RYR3: variants seen among roughly 807,000 people sequenced by gnomAD.
RYR3 encodes the protein brain ryanodine receptor-calcium release channel.
A neutral mutation model predicts 584.3 loss-of-function variants in RYR3; 207 were observed. The observed-to-expected ratio is 0.35, with a 90% CI of 0.32 to 0.40. The LOEUF (loss-of-function observed/expected upper bound fraction) is 0.40, where lower values mean the gene tolerates loss of function less well. Among genes scored for constraint, RYR3 ranks in the 10% least tolerant of loss-of-function variants. The pLI, the probability that RYR3 is intolerant of heterozygous loss-of-function variation, is 1.00. For missense variants in RYR3, 5,616 were observed against 6,089.2 expected, an observed-to-expected ratio of 0.92 and a Z score of 2.59; for synonymous variants, 2,416 against 2,248.5, an observed-to-expected ratio of 1.07 and a Z score of -2.11.
chr15:33,802,037 CT>C (rs1250377963), intron 69 of RYR3, 76 bp downstream of exon 69: 1 of 917,308 alleles, frequency 1.1e-6, no homozygotes, highest in Admixed American at 1.7e-5. Context: ...TTCATACTTT[CT>C]GGGGATTAAC....
chr15:33,469,925 C>G (rs544385059), intron 1 of RYR3, among the ~76,000 whole-genome samples: 1 of 152,106 alleles, frequency 6.6e-6, no homozygotes, highest in Non-Finnish European at 1.5e-5. Context: ...GAGATGAATA[C>G]GGGAATGGAG....
At chr15:33,800,715 A>G (rs1301789484) in intron 67 of RYR3, 55 bp from the exon 68 acceptor site, 1 of 1,258,682 alleles carries the variant, frequency 7.9e-7, no homozygotes, top group African/African-American at 1.5e-5. Flanking sequence ...TTAGAGTGTG[A>G]ATATTTTAAT....
At chr15:33,572,871 G>A (rs992584239) in intron 12 of RYR3, among the ~76,000 whole-genome samples, 6 of 152,122 alleles carry the variant, frequency 3.9e-5, no homozygotes, top group African/African-American at 1.4e-4. Flanking sequence ...CTACTGAGGA[G>A]GCTAAGTCAT....
chr15:33,690,832 T>A (rs2065367007), intron 38 of RYR3, among the ~76,000 whole-genome samples: 1 of 152,160 alleles, frequency 6.6e-6, no homozygotes, highest in Non-Finnish European at 1.5e-5. Flanking sequence ...AAATTAAAAT[T>A]GACAAATATT....
chr15:33,525,281 C>T (rs757972009), intron 3 of RYR3, among the ~76,000 whole-genome samples: 1 of 152,140 alleles, frequency 6.6e-6, no homozygotes, highest in Non-Finnish European at 1.5e-5. Flanking sequence ...TATGGACTGT[C>T]TGTATTGTGC....
At chr15:33,561,732 A>G (rs1342901361) in intron 10 of RYR3, among the ~76,000 whole-genome samples, 2 of 151,782 alleles carry the variant, frequency 1.3e-5, no homozygotes, top group African/African-American at 4.8e-5. Flanking sequence ...AACAACAACA[A>G]CAACAAAAAT....
intron 43 of RYR3, among the ~76,000 whole-genome samples, chr15:33,718,084 G>A (rs527277345): frequency 1.5e-4 from 23 of 152,160 alleles, no homozygotes; most frequent in Non-Finnish European, 2.8e-4. Context: ...CCATTACCCT[G>A]CCCCTGTGAT....
chr15:33,661,279 A>G (rs928226247), intron 34 of RYR3, among the ~76,000 whole-genome samples: 6 of 152,212 alleles, frequency 3.9e-5, no homozygotes, highest in African/African-American at 7.2e-5. Context: ...AGGGAGCAAC[A>G]TACAAACAGA....
In RYR3 at chr15:33,829,500, G is replaced by A. The variant is rs140457906; in HGVS notation, c.11335-1463G>A. Among the ~76,000 whole-genome samples, 685 of 152,178 alleles carry A rather than the reference G, an allele frequency of 4.5e-3. 4 individuals are homozygous for A. The highest frequency in any genetic ancestry group is 0.016 in the African/African-American group (651 of 41,518). ...CCAGTGGCTCGCATCTGTAATCCTA[G>A]GACTTTGGGAGGCCAAGGCAGGAGG... On this transcript the variant is annotated intron_variant, in intron 85 of 103. Transcript: ENST00000634891.
In RYR3 at chr15:33,363,844, G is replaced by C. The variant is rs561935198; in HGVS notation, c.51+52748G>C. 2.0e-5 allele frequency among the ~76,000 whole-genome samples: 3 copies of C among 152,194 alleles called. No homozygotes were observed. The East Asian group carries it at 5.8e-4, about 29-fold the overall frequency. On this transcript the variant is annotated intron_variant, in intron 1 of 103. Coordinates refer to ENST00000634891, the MANE Select transcript of RYR3 (RefSeq NM_001036.6). ...TTGAAATGTGGCTGATGCAATGGAGGAATGGAATTTAAAATTTTATTTAAT... is the reference window on the plus strand; with the variant it reads ...TTGAAATGTGGCTGATGCAATGGAGCAATGGAATTTAAAATTTTATTTAAT...
chr15:33,857,876 G>C lies in RYR3; in HGVS notation c.14104G>C (p.Asp4702His), dbSNP rs909959183. 7 of 1,614,146 alleles carry C rather than the reference G, an allele frequency of 4.3e-6. No individual in the cohort carries two copies. In the South Asian group the frequency reaches 7.7e-5, roughly 18 times the overall value. The change falls in exon 99 of 104, where the codon GAT (aspartate) becomes CAT (histidine). Residue 4702 changes from aspartate to histidine, a missense_variant. Physicochemically the swap from Asp to His is moderately conservative, Grantham distance 81. This residue lies in a region of RYR3 where 918 missense variants were observed against 887.4 expected (regional missense o/e 1.03). Coordinates refer to ENST00000634891, the MANE Select transcript of RYR3 (RefSeq NM_001036.6). ...FRKFYNKSEDDDEPDMKCDDM... is the reference protein window; with the variant it reads ...FRKFYNKSEDHDEPDMKCDDM... Reference sequence around the variant, plus strand: ...CAAGTTCTACAACAAAAGCGAAGACGATGACGAGCCCGATATGAAGTGCGA... The same window carrying C: ...CAAGTTCTACAACAAAAGCGAAGACCATGACGAGCCCGATATGAAGTGCGA...
In RYR3 at chr15:33,390,590, A is replaced by T. The variant is rs1187238029; in HGVS notation, c.51+79494A>T. 6.6e-6 allele frequency among the ~76,000 whole-genome samples: 1 copy of T among 152,132 alleles called. No homozygotes were observed. Among genetic ancestry groups the T allele is most frequent in the East Asian group, 1.9e-4 (1 of 5,192 alleles). On this transcript the variant is annotated intron_variant, in intron 1 of 103. Transcript: ENST00000634891. This position sits in a 1 kb window ranked among gnomAD's most constrained non-coding sequence, Gnocchi z 4.2. ...TTAACAAAGCAGGCATGAGGAGGCTATGTTTAGAAGGGTCTGTCTGCAAGG... is the reference window on the plus strand; with the variant it reads ...TTAACAAAGCAGGCATGAGGAGGCTTTGTTTAGAAGGGTCTGTCTGCAAGG...
chr15:33,319,545 A>C (rs924655421), intron 1 of RYR3, among the ~76,000 whole-genome samples: 1 of 152,238 alleles, frequency 6.6e-6, no homozygotes, highest in African/African-American at 2.4e-5. Context: ...TCTTTGCAAG[A>C]GGCATTTTAG....
chr15:33,853,406 G>T, intron 95 of RYR3, 149 bp from the exon 96 acceptor site: 1 of 1,063,650 alleles, frequency 9.4e-7, no homozygotes, highest in African/African-American at 1.6e-5. Flanking sequence ...TTTTCTCTGG[G>T]TTTTCTCTTT....
At position 33,843,470 on chromosome 15, in the gene RYR3, C is replaced by T. The variant is rs983027654; in HGVS notation, c.13210-18C>T. 2 of 1,566,114 alleles carry T rather than the reference C, an allele frequency of 1.3e-6. No individual in the cohort carries two copies. Among genetic ancestry groups the T allele is most frequent in the South Asian group, 2.3e-5 (2 of 86,850 alleles). On this transcript the variant is annotated intron_variant, in intron 91 of 103. Coordinates refer to ENST00000634891, the MANE Select transcript of RYR3 (RefSeq NM_001036.6). ...CCTTCCAAAGCTCTTCTACTTCTGC[C>T]TGTCCTTTTCTTTGCAGCATTACCT...
At position 33,636,412 on chromosome 15, in the gene RYR3, C is replaced by T. The variant is rs748509983; in HGVS notation, c.3418C>T (p.Arg1140Cys). 1.6e-5 allele frequency: 26 copies of T among 1,613,698 alleles called. No homozygotes were observed. Among genetic ancestry groups the T allele is most frequent in the Non-Finnish European group, 2.1e-5 (25 of 1,179,800 alleles). Residue 1140 changes from arginine (R) to cysteine (C), a missense_variant, in exon 27 of 104, where the codon CGT (arginine) becomes TGT (cysteine). By Grantham distance (180) the Arg-to-Cys change is radical (BLOSUM62 -3). Around this residue, in one of 9 missense-constraint regions of RYR3, gnomAD observed 152 missense variants for 200.9 expected, o/e 0.76. Transcript: ENST00000634891. Reference protein sequence around the residue: ...RWHQGSGYFGRTWQPGDVVGC... With the variant: ...RWHQGSGYFGCTWQPGDVVGC... ...GCATCAAGGAAGTGGGTATTTTGGG[C>T]GTACCTGGCAGCCAGGGGATGTGGT...
rs181689875 is a variant in RYR3, at chr15:33,415,038, T to C, written c.52-58381T>C. Among the ~76,000 whole-genome samples, 330 of 152,326 alleles carry C rather than the reference T, an allele frequency of 2.2e-3. 5 individuals are homozygous for C. In the South Asian group the frequency reaches 0.03, roughly 14 times the overall value. ...TGTCCAGTATGGTAGCCACTGGCCA[T>C]ATGTGGCTGTTGAGCACCTGGAGTG... is the stretch of plus-strand genomic sequence containing the variant. On this transcript the variant is annotated intron_variant, in intron 1 of 103. Transcript: ENST00000634891.
intron 86 of RYR3, among the ~76,000 whole-genome samples, chr15:33,834,425 AG>A (rs1255054641): frequency 4.6e-5 from 7 of 152,196 alleles, no homozygotes; most frequent in Admixed American, 4.6e-4. Context: ...TAGGTTAATA[AG>A]AAAATCCTAG....
chr15:33,643,379 A>G (rs2061936535), intron 27 of RYR3, among the ~76,000 whole-genome samples: 1 of 152,178 alleles, frequency 6.6e-6, no homozygotes. Flanking sequence ...ATGATTTATA[A>G]ATAGCCCACA....
Sources: allele counts gnomAD v4.1 joint callset (sites outside exome capture counted in the v4.1 genomes callset), GRCh38; gene constraint gnomAD v4.1.1; regional missense constraint gnomAD v4.1.1; non-coding constraint Gnocchi (gnomAD v3.1); transcripts MANE v1.5; gene names NCBI Gene and HGNC (gene_info 2026-07-23, HGNC 2026-07-21).